The following LRRC17 variants were observed in gnomAD, a reference collection of about 807,000 sequenced individuals.
The protein encoded by LRRC17 is leucine-rich repeat-containing protein 17.
A neutral mutation model predicts 41.5 loss-of-function variants in LRRC17; 33 were observed. That is an observed-to-expected ratio of 0.80 (90% CI 0.60 to 1.06). The LOEUF (loss-of-function observed/expected upper bound fraction) is 1.06. Among genes scored for constraint, LRRC17 ranks in the 50% least tolerant of loss-of-function variants. LRRC17 has a pLI of 0.00. For synonymous variants in LRRC17, 192 were observed against 197.0 expected, an observed-to-expected ratio of 0.97 and a Z score of 0.21; for missense variants, 491 against 519.3, an observed-to-expected ratio of 0.95 and a Z score of 0.53.
At chr7:102,913,353 C>T in intron 1 of LRRC17, 2 of 992,308 alleles carry the variant, frequency 2.0e-6, no homozygotes, top group Non-Finnish European at 2.9e-6. Flanking sequence ...TTACTGTTAA[C>T]TCTCTACCTG....
chr7:102,914,928 G>C (rs1276605488), intron 1 of LRRC17, among the ~76,000 whole-genome samples: 2 of 152,068 alleles, frequency 1.3e-5, no homozygotes, highest in African/African-American at 4.8e-5. Context: ...GGCACACCAG[G>C]GTGTCATTTC....
rs370522298 is a variant in LRRC17, at chr7:102,934,045, G to A, written c.132G>A (p.Pro44=). The stretch of plus-strand genomic sequence containing the variant: ...GTGGAGGCCGGAGAGGCTCCAACCC[G>A]GTCAAACGCTACGCACCAGGCCTCC... The part of the protein sequence containing the change: ...RAGGGRRGSN[P]VKRYAPGLPC... The change falls in exon 2 of 4, where the codon CCG becomes CCA. Residue 44 remains proline, a synonymous_variant. Transcript: ENST00000339431. The A allele has an allele frequency of 1.3e-5, 21 of 1,614,080 alleles. No homozygotes were observed. Among genetic ancestry groups the A allele is most frequent in the East Asian group, 4.5e-5 (2 of 44,884 alleles).
chr7:102,916,891 AT>A (rs912954909), intron 1 of LRRC17, among the ~76,000 whole-genome samples: 7 of 151,370 alleles, frequency 4.6e-5, no homozygotes, highest in Non-Finnish European at 5.9e-5. Flanking sequence ...AACTACAAAG[AT>A]TTTTTTTTCT....
At chr7:102,920,366 C>T (rs778007098) in intron 1 of LRRC17, among the ~76,000 whole-genome samples, 3 of 151,342 alleles carry the variant, frequency 2.0e-5, no homozygotes, top group Non-Finnish European at 2.9e-5. Context: ...TAAAACCATA[C>T]ACTCAGTTTT....
intron 3 of LRRC17, among the ~76,000 whole-genome samples, chr7:102,942,831 G>T (rs936508881): frequency 1.3e-5 from 2 of 152,082 alleles, no homozygotes; most frequent in Admixed American, 6.6e-5. Flanking sequence ...TCAAAATAAG[G>T]ACGCTATGCT....
intron 1 of LRRC17, chr7:102,931,889 T>A (rs1462048702): frequency 6.2e-7 from 1 of 1,613,642 alleles, no homozygotes; most frequent in Non-Finnish European, 8.5e-7. Context: ...ACTGTGAATG[T>A]TGGGCAGTCA....
chr7:102,927,022 A>AT (rs1199436242), intron 1 of LRRC17, among the ~76,000 whole-genome samples: 1 of 152,194 alleles, frequency 6.6e-6, no homozygotes, highest in Non-Finnish European at 1.5e-5. Flanking sequence ...AGATTCAAGC[A>AT]TCCTTCCCCC....
intron 1 of LRRC17, among the ~76,000 whole-genome samples, chr7:102,927,459 A>T (rs1478064145): frequency 6.6e-6 from 1 of 152,234 alleles, no homozygotes; most frequent in Non-Finnish European, 1.5e-5. Flanking sequence ...TATTTTCAAC[A>T]GGATCATTGA....
chr7:102,942,245 A>G, intron 3 of LRRC17: 1 of 1,509,812 alleles, frequency 6.6e-7, no homozygotes. Flanking sequence ...GTTAAGGCAA[A>G]ATGACCTAAA....
Position 102,933,787 on chromosome 7 carries a change from C to G in LRRC17, c.-127C>G. The G allele has an allele frequency of 1.0e-6, 1 of 981,370 alleles. No homozygotes were observed. Among genetic ancestry groups the G allele is most frequent in the African/African-American group, 1.6e-5 (1 of 60,740 alleles). 60.8% of individuals were successfully genotyped at this position (981,370 alleles called of 1,614,324 possible). A position where few individuals can be genotyped will look rare whatever the true frequency, so the allele number is the denominator to read the frequency against. ...TTTCTCTTCCAGCCTAGGGACTCCA[C>G]GTACCCCAGCTGGGTCTCATTGTTC... On this transcript the variant is annotated 5_prime_UTR_variant, in exon 2 of 4. Coordinates refer to ENST00000339431, the MANE Select transcript of LRRC17 (RefSeq NM_001031692.3).
chr7:102,926,365 T>C (rs1026229952), intron 1 of LRRC17: 7 of 1,613,160 alleles, frequency 4.3e-6, no homozygotes, highest in Non-Finnish European at 5.1e-6. Context: ...ATGTGTCTCA[T>C]TGATTCATCC....
At chr7:102,922,700 T>C (rs956044999) in intron 1 of LRRC17, among the ~76,000 whole-genome samples, 3 of 151,990 alleles carry the variant, frequency 2.0e-5, no homozygotes, top group East Asian at 1.9e-4. Flanking sequence ...TGACTGGGCG[T>C]GGTGGCTCAC....
At chr7:102,942,426 A>G in intron 3 of LRRC17, 1 of 1,256,862 alleles carries the variant, frequency 8.0e-7, no homozygotes, top group African/African-American at 1.5e-5. Flanking sequence ...TTGTTGTGGA[A>G]AAGAGAAAGA....
At chr7:102,939,406 C>T (rs767374195) in intron 2 of LRRC17, 24 bp from the exon 3 acceptor site, 10 of 1,587,930 alleles carry the variant, frequency 6.3e-6, no homozygotes, top group African/African-American at 4.1e-5. Flanking sequence ...AGCATAATAA[C>T]GTAAATATTA....
rs1355337269 is a variant in LRRC17 at position 102,934,451 on chromosome 7, A to T, written c.538A>T (p.Ile180Phe). ...AGAAACGCTTATTTCAATGTTGCAG[A>T]TTCCCAGGAACCGGAATTTGGGGAA... ...EIETLISMLQ[I>F]PRNRNLGNYA... is the part of the protein sequence containing the mutation. Residue 180 changes from isoleucine to phenylalanine, a missense_variant, in exon 2 of 4, where the codon ATT becomes TTT. By Grantham distance (21) the Ile-to-Phe change is conservative. Coordinates refer to ENST00000339431, the MANE Select transcript of LRRC17 (RefSeq NM_001031692.3). The T allele has an allele frequency of 1.2e-6, 2 of 1,614,232 alleles. No homozygotes were observed. The highest frequency in any genetic ancestry group is 1.1e-5 in the South Asian group (1 of 91,086).
Position 102,934,528 on chromosome 7 carries a change from G to A in LRRC17, c.615G>A (p.Gln205=), listed in dbSNP as rs1319867183. ...AACAAAAAAATAAAAAACTGCGGCA[G>A]ATAAAATCTGAACAGTTGTGTAATG... ...PQEQKNKKLR[Q]IKSEQLCNEE... Residue 205 remains glutamine, a synonymous_variant, in exon 2 of 4, where the codon CAG becomes CAA. Coordinates refer to ENST00000339431, the MANE Select transcript of LRRC17 (RefSeq NM_001031692.3). The A allele has an allele frequency of 6.3e-7, 1 of 1,598,188 alleles. No homozygotes were observed. Among genetic ancestry groups the A allele is most frequent in the Non-Finnish European group, 8.5e-7 (1 of 1,174,212 alleles).
At chr7:102,922,789 A>G (rs847655) in intron 1 of LRRC17, among the ~76,000 whole-genome samples, 4,302 of 151,890 alleles carry the variant, frequency 0.028, 216 homozygotes, top group African/African-American at 0.098. Flanking sequence ...TGGCTAACAC[A>G]GTGAAACCCC....
chr7:102,931,513 C>T (rs73408250), intron 1 of LRRC17, among the ~76,000 whole-genome samples: 29,149 of 152,148 alleles, frequency 0.19, 2,996 homozygotes, highest in East Asian at 0.43. Context: ...ACTAGGGAAA[C>T]ATATTCATTT....
intron 1 of LRRC17, among the ~76,000 whole-genome samples, chr7:102,916,884 T>C (rs1277626486): frequency 1.3e-5 from 2 of 152,162 alleles, no homozygotes; most frequent in Non-Finnish European, 2.9e-5. Context: ...TTATAGAAAC[T>C]ACAAAGATTT....
Sources: gnomAD v4.1 joint callset for allele counts (sites outside exome capture counted in the v4.1 genomes callset) on GRCh38, gnomAD v4.1.1 for gene constraint, MANE v1.5 for transcripts, NCBI Gene and HGNC (gene_info 2026-07-23, HGNC 2026-07-21) for gene names.